The following ADCY5 variants were observed in gnomAD, a reference collection of about 807,000 sequenced individuals.
The protein encoded by ADCY5 is adenylate cyclase 5, also known as adenylate cyclase type 5.
ADCY5 carries 30 observed loss-of-function variants against 119.7 expected under a neutral mutation model. The observed-to-expected ratio is 0.25, with a 90% CI of 0.19 to 0.34. The LOEUF (loss-of-function observed/expected upper bound fraction) is 0.34, where lower values mean the gene tolerates loss of function less well. ADCY5 is among the 10% of genes least tolerant of loss of function. ADCY5 has a pLI of 1.00. For synonymous variants in ADCY5, 753 were observed against 762.2 expected (o/e 0.99, Z 0.20); for missense variants, 1,324 against 1,775.2 (o/e 0.75, Z 4.57).
rs570076664 is a variant in ADCY5 at position 123,377,718 on chromosome 3, G to A, written c.1135-25137C>T. ...ACAAGGAGACATAACCCAGCACGAAGAAAGAAGGTGCTTAGCACAATGCCA... is the reference window on the plus strand; with the variant it reads ...ACAAGGAGACATAACCCAGCACGAAAAAAGAAGGTGCTTAGCACAATGCCA... On this transcript the variant is annotated intron_variant, in intron 1 of 20. Coordinates refer to ENST00000462833, the MANE Select transcript of ADCY5 (RefSeq NM_183357.3). 3.1e-3 allele frequency among the ~76,000 whole-genome samples: 470 copies of A among 152,250 alleles called. 3 individuals are homozygous for A. The highest frequency in any genetic ancestry group is 0.014 in the Middle Eastern group (4 of 294).
Position 123,291,383 on chromosome 3 carries a change from G to A in ADCY5, c.3064-7C>T. The A allele has an allele frequency of 6.2e-7, 1 of 1,602,526 alleles. No individual in the cohort carries two copies. Among genetic ancestry groups the A allele is most frequent in the East Asian group, 2.2e-5 (1 of 44,560 alleles). On this transcript the variant is annotated splice_region_variant and splice_polypyrimidine_tract_variant and intron_variant, in intron 17 of 20. Transcript: ENST00000462833. ...CCTCTTTCTCCTCTGTGGCCTGAGA[G>A]AAAAAGACTGCAAGTCACCCAGATG...
chr3:123,409,310 G>A (rs568126716), intron 1 of ADCY5, among the ~76,000 whole-genome samples: 2 of 152,214 alleles, frequency 1.3e-5, no homozygotes, highest in Non-Finnish European at 2.9e-5. Context: ...GGCCCCCAGG[G>A]ATTGGTAAGA....
intron 1 of ADCY5, chr3:123,367,908 C>A (rs1457351149): frequency 6.5e-7 from 1 of 1,535,594 alleles, no homozygotes; most frequent in African/African-American, 1.4e-5. Flanking sequence ...ACCTTACCTC[C>A]AACTGAGTGC....
chr3:123,417,459 G>GC (rs1374504974), intron 1 of ADCY5, among the ~76,000 whole-genome samples: 2 of 152,238 alleles, frequency 1.3e-5, no homozygotes, highest in African/African-American at 2.4e-5. Flanking sequence ...TTAAGCCCTT[G>GC]CCCCCAGAAC....
At chr3:123,435,931 C>T (rs966627404) in intron 1 of ADCY5, among the ~76,000 whole-genome samples, 4 of 148,600 alleles carry the variant, frequency 2.7e-5, no homozygotes, top group South Asian at 2.2e-4. Flanking sequence ...TGCTCTGTCA[C>T]CTGGGCTGGA....
At position 123,447,806 on chromosome 3, in the gene ADCY5, G is replaced by A. The variant is rs1479349333; in HGVS notation, c.740C>T (p.Ala247Val). The A allele has an allele frequency of 1.9e-6, 3 of 1,612,718 alleles. No homozygotes were observed. Among genetic ancestry groups the A allele is most frequent in the Middle Eastern group, 1.7e-4 (1 of 6,060 alleles). ...LNQSSLTMLM[A>V]VLVLVCLVML... is the part of the protein sequence containing the mutation. ...GACCAGGCACACGAGCACCAGCACG[G>A]CCATGAGCATGGTGAGGCTGCTCTG... The change falls in exon 1 of 21, where the codon GCC (alanine) becomes GTC (valine). Residue 247 changes from alanine (A) to valine (V), a missense_variant. Coordinates refer to ENST00000462833, the MANE Select transcript of ADCY5 (RefSeq NM_183357.3).
intron 1 of ADCY5, among the ~76,000 whole-genome samples, chr3:123,382,755 G>C: frequency 6.6e-6 from 1 of 152,200 alleles, no homozygotes. Flanking sequence ...AGGCTGGGGG[G>C]AGGAAGGAAT....
intron 1 of ADCY5, among the ~76,000 whole-genome samples, chr3:123,373,756 AC>A (rs1943717656): frequency 3.5e-5 from 1 of 28,434 alleles, no homozygotes; most frequent in Non-Finnish European, 5.8e-5. Context: ...CAGAAGCATC[AC>A]GCCCCCCCCC....
In ADCY5 at chr3:123,429,318, C is replaced by T. The variant is rs1552352; in HGVS notation, c.1134+18094G>A. 6.8e-3 allele frequency among the ~76,000 whole-genome samples: 1,041 copies of T among 152,264 alleles called. 10 individuals carry two copies. Among genetic ancestry groups the T allele is most frequent in the African/African-American group, 0.024 (979 of 41,550 alleles). ...AGAAAGAGTTGCTGTTCCCAAAGAC[C>T]GCTAGATGCCATGGTCCATCCCACA... On this transcript the variant is annotated intron_variant, in intron 1 of 20. Transcript: ENST00000462833.
At chr3:123,288,588 G>A (rs1030539056) in intron 19 of ADCY5, among the ~76,000 whole-genome samples, 1 of 152,186 alleles carries the variant, frequency 6.6e-6, no homozygotes, top group Non-Finnish European at 1.5e-5. Context: ...GGGCTTTGTG[G>A]AACGAGTTCA....
intron 1 of ADCY5, among the ~76,000 whole-genome samples, chr3:123,428,880 G>A (rs1363174419): frequency 2.6e-5 from 4 of 152,184 alleles, no homozygotes; most frequent in South Asian, 2.1e-4. Flanking sequence ...GCACACCTAC[G>A]TTTGTGAGCT....
At chr3:123,443,344 C>G (rs1444115387) in intron 1 of ADCY5, among the ~76,000 whole-genome samples, 1 of 152,184 alleles carries the variant, frequency 6.6e-6, no homozygotes, top group African/African-American at 2.4e-5. Context: ...CAGGGGAAGC[C>G]AACTACCAGC....
At chr3:123,418,372 C>T (rs1169982580) in intron 1 of ADCY5, among the ~76,000 whole-genome samples, 2 of 152,128 alleles carry the variant, frequency 1.3e-5, no homozygotes, top group African/African-American at 2.4e-5. Flanking sequence ...TAACAGAATA[C>T]CTGAGACTGG....
intron 1 of ADCY5, among the ~76,000 whole-genome samples, chr3:123,392,508 CAG>C (rs1944426217): frequency 6.6e-6 from 1 of 152,188 alleles, no homozygotes; most frequent in South Asian, 2.1e-4. Context: ...TAGAGAGGCA[CAG>C]AGACCATCCC....
At position 123,397,367 on chromosome 3, in the gene ADCY5, G is replaced by A. The variant is rs76930121; in HGVS notation, c.1135-44786C>T. On this transcript the variant is annotated intron_variant, in intron 1 of 20. Transcript: ENST00000462833. ...ATCACCATGGCTGGCCAGGCGCAGT[G>A]GCTCACGCCTGTGATCCCAACACTT... is the stretch of plus-strand genomic sequence containing the variant. Among the ~76,000 whole-genome samples, 315 of 152,358 alleles carry A rather than the reference G, an allele frequency of 2.1e-3. 8 individuals are homozygous for A. In the East Asian group the frequency reaches 0.047, roughly 23 times the overall value.
Position 123,447,595 on chromosome 3 carries a change from C to G in ADCY5, c.951G>C (p.Leu317=). Reference sequence around the variant, plus strand: ...AGGCGCTGCGTGGCTGCGGCAGCAGCAGGCCCACCACCTGGACGGCCAGCA... The same window carrying G: ...AGGCGCTGCGTGGCTGCGGCAGCAGGAGGCCCACCACCTGGACGGCCAGCA... ...AVVLAVQVVG[L]LLPQPRSASE... is the part of the protein sequence containing the mutation. Residue 317 remains leucine (L), a synonymous_variant, in exon 1 of 21, where the codon CTG becomes CTC. Coordinates refer to ENST00000462833, the MANE Select transcript of ADCY5 (RefSeq NM_183357.3). 2 of 1,607,658 alleles carry G rather than the reference C, an allele frequency of 1.2e-6. No homozygotes were observed. The highest frequency in any genetic ancestry group is 1.1e-5 in the South Asian group (1 of 90,700).
chr3:123,328,794 C>A lies in ADCY5; in HGVS notation c.1655G>T (p.Arg552Leu). The A allele has an allele frequency of 6.2e-7, 1 of 1,614,156 alleles. No individual in the cohort carries two copies. Among genetic ancestry groups the A allele is most frequent in the Non-Finnish European group, 8.5e-7 (1 of 1,180,004 alleles). Residue 552 changes from arginine to leucine, a missense_variant, in exon 6 of 21, where the codon CGG becomes CTG. Transcript: ENST00000462833. Reference sequence around the variant, plus strand: ...GTTCACGTTCACCCCTGTCACCTCCCGGACCAACCTGGGGATGGAGCAGGA... The same window carrying A: ...GTTCACGTTCACCCCTGTCACCTCCAGGACCAACCTGGGGATGGAGCAGGA... ...MDMIEAISLVREVTGVNVNMR... is the reference protein window; with the variant it reads ...MDMIEAISLVLEVTGVNVNMR...
rs551886835 is a variant in ADCY5 at position 123,292,072 on chromosome 3, G to A, written c.3064-696C>T. On this transcript the variant is annotated intron_variant, in intron 17 of 20. Coordinates refer to ENST00000462833, the MANE Select transcript of ADCY5 (RefSeq NM_183357.3). The stretch of plus-strand genomic sequence containing the variant: ...GGTTAAAGGACAGGGCAGATCCCTC[G>A]GGTCAAGAGGCCAGTAGTGCCCTAC... Among the ~76,000 whole-genome samples the A allele has an allele frequency of 6.6e-5, 10 of 152,336 alleles. No individual in the cohort carries two copies. In the East Asian group the frequency reaches 9.7e-4, roughly 15 times the overall value.
chr3:123,414,414 T>C (rs890462299), intron 1 of ADCY5, among the ~76,000 whole-genome samples: 10 of 152,228 alleles, frequency 6.6e-5, no homozygotes, highest in African/African-American at 2.4e-4. Flanking sequence ...ACATGGCAAA[T>C]GCTCCTCGGA....
Sources: gnomAD v4.1 joint callset for allele counts (sites outside exome capture counted in the v4.1 genomes callset) on GRCh38, gnomAD v4.1.1 for gene constraint, MANE v1.5 for transcripts, NCBI Gene and HGNC (gene_info 2026-07-23, HGNC 2026-07-21) for gene names.